The following SHROOM3 variants were observed in gnomAD, a reference collection of about 807,000 sequenced individuals.
SHROOM3 encodes the protein protein Shroom3.
In SHROOM3, 47 loss-of-function variants were observed where a neutral mutation model predicts 138.6. That is an observed-to-expected ratio of 0.34 (90% CI 0.27 to 0.43). The LOEUF (loss-of-function observed/expected upper bound fraction) is 0.43, where lower values mean the gene tolerates loss of function less well. SHROOM3 is among the 20% of genes least tolerant of loss of function. The pLI is 1.00. For synonymous variants in SHROOM3, 1,062 were observed against 1,063.3 expected, an observed-to-expected ratio of 1.00 and a Z score of 0.02; for missense variants, 2,491 against 2,596.5, an observed-to-expected ratio of 0.96 and a Z score of 0.88.
chr4:76,545,313 C>T (rs936808902), intron 1 of SHROOM3, among the ~76,000 whole-genome samples: 2 of 152,140 alleles, frequency 1.3e-5, no homozygotes, highest in Non-Finnish European at 2.9e-5. Context: ...TTCAGTGAAG[C>T]TTGATGTTTA....
At chr4:76,719,272 T>C (rs1001367045) in intron 3 of SHROOM3, among the ~76,000 whole-genome samples, 1 of 152,222 alleles carries the variant, frequency 6.6e-6, no homozygotes, top group African/African-American at 2.4e-5. Context: ...TCCTAAGTTT[T>C]AGCAACATAT....
intron 10 of SHROOM3, among the ~76,000 whole-genome samples, chr4:76,773,560 T>C (rs1273254588): frequency 6.6e-6 from 1 of 152,062 alleles, no homozygotes; most frequent in Admixed American, 6.5e-5. Flanking sequence ...AGCAAAGCCA[T>C]TATGGGCCTC....
intron 2 of SHROOM3, among the ~76,000 whole-genome samples, chr4:76,651,791 A>G (rs1735967712): frequency 6.6e-6 from 1 of 152,330 alleles, no homozygotes; most frequent in East Asian, 1.9e-4. Flanking sequence ...TTTAATGGCA[A>G]TGTAACCAAT....
intron 10 of SHROOM3, among the ~76,000 whole-genome samples, chr4:76,771,804 G>C (rs867708087): frequency 1.3e-5 from 2 of 152,146 alleles, no homozygotes; most frequent in African/African-American, 2.4e-5. Context: ...TTGTATCACC[G>C]CATTGAACAG....
intron 2 of SHROOM3, among the ~76,000 whole-genome samples, chr4:76,557,012 C>T (rs1490412281): frequency 1.3e-5 from 2 of 152,092 alleles, no homozygotes; most frequent in Admixed American, 6.6e-5. Context: ...GCATAGGCAC[C>T]GGATTCAGAC....
rs117264402 is a variant in SHROOM3, at chr4:76,672,986, A to G, written c.324-37170A>G. ...AATTTCCAAACTAAAGGGAGCATACATCAAAACAACATTTGCTGTTTGTCG... is the reference window on the plus strand; with the variant it reads ...AATTTCCAAACTAAAGGGAGCATACGTCAAAACAACATTTGCTGTTTGTCG... On this transcript the variant is annotated intron_variant, in intron 2 of 10. Coordinates refer to ENST00000296043, the MANE Select transcript of SHROOM3 (RefSeq NM_020859.4). Among the ~76,000 whole-genome samples the G allele has an allele frequency of 6.2e-4, 95 of 152,354 alleles. 3 individuals are homozygous for G. The East Asian group carries it at 0.016, about 25-fold the overall frequency.
At chr4:76,575,923 CA>C (rs766609528) in intron 2 of SHROOM3, among the ~76,000 whole-genome samples, 19 of 152,048 alleles carry the variant, frequency 1.2e-4, no homozygotes, top group Non-Finnish European at 2.6e-4. Context: ...TAGAGAAACG[CA>C]AATCTAAACT....
intron 1 of SHROOM3, among the ~76,000 whole-genome samples, chr4:76,518,359 T>G (rs898625407): frequency 6.6e-6 from 1 of 152,160 alleles, no homozygotes; most frequent in Non-Finnish European, 1.5e-5. Context: ...AAATCTTTGT[T>G]GTGGTTGAAT....
intron 2 of SHROOM3, among the ~76,000 whole-genome samples, chr4:76,693,102 A>G (rs1719604313): frequency 1.3e-5 from 2 of 152,216 alleles, no homozygotes; most frequent in South Asian, 4.1e-4. Flanking sequence ...AATACCTCTG[A>G]GCTGCAAGAC....
Position 76,599,216 on chromosome 4 carries a change from G to A in SHROOM3, c.323+43453G>A, listed in dbSNP as rs147197458. Among the ~76,000 whole-genome samples, 170 of 152,182 alleles carry A rather than the reference G, an allele frequency of 1.1e-3. 1 individual carries two copies. The East Asian group carries it at 0.014, about 13-fold the overall frequency. ...CCTGTTGAATAATAACAATAAAAGC[G>A]TTCTTTATATAATCACGGTGGTTAA... On this transcript the variant is annotated intron_variant, in intron 2 of 10. Coordinates refer to ENST00000296043, the MANE Select transcript of SHROOM3 (RefSeq NM_020859.4).
intron 1 of SHROOM3, among the ~76,000 whole-genome samples, chr4:76,529,265 C>T (rs1245261434): frequency 6.6e-6 from 1 of 152,056 alleles, no homozygotes; most frequent in Non-Finnish European, 1.5e-5. Flanking sequence ...TGCTACTCTA[C>T]TGTAGTCACT....
chr4:76,435,727 C>A lies in SHROOM3; in HGVS notation c.-326C>A. 4.2e-6 allele frequency: 1 copy of A among 236,574 alleles called. No homozygotes were observed. Among genetic ancestry groups the A allele is most frequent in the Non-Finnish European group, 8.2e-6 (1 of 121,674 alleles). The allele number at this position is 236,574 out of a possible 1,614,324, so 14.7% of individuals were successfully genotyped here. ...AGTGTGTGTATGTGTGAAATAAAAG[C>A]TCAGAAAAGCAATCTTCAGAGCGCC... On this transcript the variant is annotated 5_prime_UTR_variant, in exon 1 of 11. Coordinates refer to ENST00000296043, the MANE Select transcript of SHROOM3 (RefSeq NM_020859.4).
At chr4:76,770,509 A>C in intron 9 of SHROOM3, 117 bp from the exon 10 acceptor site, 3 of 1,221,740 alleles carry the variant, frequency 2.5e-6, no homozygotes, top group Non-Finnish European at 3.5e-6. Context: ...CATATAGAGA[A>C]GGGGGAGGAT....
At chr4:76,689,336 G>A (rs897722771) in intron 2 of SHROOM3, among the ~76,000 whole-genome samples, 11 of 151,906 alleles carry the variant, frequency 7.2e-5, no homozygotes, top group African/African-American at 2.7e-4. Context: ...GGCTTCCTGT[G>A]GGATTACCTG....
chr4:76,500,866 G>A (rs1732077518), intron 1 of SHROOM3, among the ~76,000 whole-genome samples: 4 of 151,964 alleles, frequency 2.6e-5, no homozygotes, highest in Admixed American at 6.6e-5. Flanking sequence ...GAATGCAGTG[G>A]AGTGATCCCA....
At chr4:76,726,527 C>T (rs1033788037) in intron 3 of SHROOM3, among the ~76,000 whole-genome samples, 1 of 141,214 alleles carries the variant, frequency 7.1e-6, no homozygotes, top group Non-Finnish European at 1.5e-5. Flanking sequence ...CTCTCCACTC[C>T]CATCCCCTCC....
At chr4:76,503,242 G>A (rs1370203780) in intron 1 of SHROOM3, among the ~76,000 whole-genome samples, 7 of 149,850 alleles carry the variant, frequency 4.7e-5, no homozygotes, top group African/African-American at 1.7e-4. Flanking sequence ...TAAATTCATA[G>A]AAAATTAACA....
intron 2 of SHROOM3, among the ~76,000 whole-genome samples, chr4:76,588,829 A>G (rs961949024): frequency 1.3e-5 from 2 of 152,152 alleles, no homozygotes; most frequent in Non-Finnish European, 2.9e-5. Context: ...TCGCTGGTTA[A>G]TAGGGAAAAG....
At chr4:76,711,215 T>C (rs888198536) in intron 3 of SHROOM3, among the ~76,000 whole-genome samples, 6 of 152,144 alleles carry the variant, frequency 3.9e-5, no homozygotes, top group African/African-American at 1.2e-4. Context: ...CCACTTACCA[T>C]AGACCCTCAG....
Sources: allele counts gnomAD v4.1 joint callset (sites outside exome capture counted in the v4.1 genomes callset), GRCh38; gene constraint gnomAD v4.1.1; transcripts MANE v1.5; gene names NCBI Gene and HGNC (gene_info 2026-07-23, HGNC 2026-07-21).